The following TMEM255B variants were observed in gnomAD, a reference collection of about 807,000 sequenced individuals.
TMEM255B encodes family with sequence similarity 70, member B.
In TMEM255B, 35 loss-of-function variants were observed where a neutral mutation model predicts 34.5. The observed-to-expected ratio is 1.01, with a 90% CI of 0.77 to 1.34. TMEM255B has a LOEUF of 1.34. Ranked by LOEUF, TMEM255B falls within the 40% of genes most tolerant of loss-of-function variation. The pLI is 0.00. For missense variants in TMEM255B, 432 were observed against 433.2 expected, an observed-to-expected ratio of 1.00 and a Z score of 0.02; for synonymous variants, 206 against 201.2, an observed-to-expected ratio of 1.02 and a Z score of -0.20.
At chr13:113,759,415 G>A in intron 1 of TMEM255B, 100 bp downstream of exon 1, 1 of 1,079,150 alleles carries the variant, frequency 9.3e-7, no homozygotes, top group Non-Finnish European at 1.2e-6. Flanking sequence ...CGGAACCTGC[G>A]CGGAGACGCG....
At position 113,813,201 on chromosome 13, in the gene TMEM255B, C is replaced by T. The variant is rs941261526; in HGVS notation, c.*1298C>T. ...GGGCGAGAGGTGATCCCATTGCTCCCCAGACGTGCCACAAGACACCAAGTC... is the reference window on the plus strand; with the variant it reads ...GGGCGAGAGGTGATCCCATTGCTCCTCAGACGTGCCACAAGACACCAAGTC... On this transcript the variant is annotated 3_prime_UTR_variant, in exon 9 of 9. Transcript: ENST00000375353. 3 of 152,166 alleles carry T rather than the reference C, an allele frequency of 2.0e-5. No individual in the cohort carries two copies. Among genetic ancestry groups the T allele is most frequent in the Non-Finnish European group, 4.4e-5 (3 of 68,060 alleles). 9.4% of individuals were successfully genotyped at this position (152,166 alleles called of 1,614,324 possible).
At chr13:113,811,044 C>T (rs2051287310) in intron 8 of TMEM255B, among the ~76,000 whole-genome samples, 1 of 152,098 alleles carries the variant, frequency 6.6e-6, no homozygotes, top group Non-Finnish European at 1.5e-5. Context: ...CCCCCTGCCC[C>T]ATGCAGCTGT....
chr13:113,764,239 C>T (rs905009116), intron 1 of TMEM255B, among the ~76,000 whole-genome samples: 7 of 152,180 alleles, frequency 4.6e-5, no homozygotes, highest in Non-Finnish European at 8.8e-5. Context: ...GCCAGTGTGG[C>T]CTTGGGGCTC....
At chr13:113,771,149 G>T (rs1344362767) in intron 3 of TMEM255B, among the ~76,000 whole-genome samples, 2 of 152,094 alleles carry the variant, frequency 1.3e-5, no homozygotes, top group Admixed American at 1.3e-4. Context: ...CCTTCTCTTA[G>T]CACCCTACCT....
intron 6 of TMEM255B, among the ~76,000 whole-genome samples, chr13:113,801,238 C>A (rs920706647): frequency 6.6e-6 from 1 of 152,228 alleles, no homozygotes; most frequent in African/African-American, 2.4e-5. Context: ...GAGGACACAG[C>A]CCGTGTGTGT....
Position 113,801,737 on chromosome 13 carries a change from C to G in TMEM255B, c.594C>G (p.Ala198=). Residue 198 remains alanine, a synonymous_variant, in exon 7 of 9, where the codon GCC becomes GCG. Transcript: ENST00000375353. ...TGCACCTGTACCGCCTGCTCTGGGCCTCTGCAGTTCTGAACGTCCTGGGCC... is the reference window on the plus strand; with the variant it reads ...TGCACCTGTACCGCCTGCTCTGGGCGTCTGCAGTTCTGAACGTCCTGGGCC... ...DVLHLYRLLW[A]SAVLNVLGLF... The G allele has an allele frequency of 6.2e-7, 1 of 1,613,204 alleles. No homozygotes were observed. Among genetic ancestry groups the G allele is most frequent in the Non-Finnish European group, 8.5e-7 (1 of 1,179,756 alleles).
rs1368738858 is a variant in TMEM255B at position 113,816,651 on chromosome 13, G to T, written c.*4748G>T. The T allele has an allele frequency of 1.3e-5, 2 of 152,134 alleles. No homozygotes were observed. The highest frequency in any genetic ancestry group is 2.9e-5 in the Non-Finnish European group (2 of 68,044). The allele number at this position is 152,134 out of a possible 1,614,324, so 9.4% of individuals were successfully genotyped here. On this transcript the variant is annotated 3_prime_UTR_variant, in exon 9 of 9. Transcript: ENST00000375353. ...CAGACCCCGCGGTGGGAGCAGAGAT[G>T]CCTCCGAAACTCTGGAGACCCACAG...
At position 113,806,753 on chromosome 13, in the gene TMEM255B, G is replaced by T. The variant is rs1221125321; in HGVS notation, c.813+1725G>T. Among the ~76,000 whole-genome samples the T allele has an allele frequency of 6.6e-6, 1 of 151,972 alleles. No homozygotes were observed. Among genetic ancestry groups the T allele is most frequent in the Non-Finnish European group, 1.5e-5 (1 of 67,936 alleles). On this transcript the variant is annotated intron_variant, in intron 8 of 8. Transcript: ENST00000375353. The surrounding 1 kb of genome is among the most constrained non-coding windows in gnomAD (Gnocchi z 4.2). Reference sequence around the variant, plus strand: ...GCCCCCAGGGCCACAGCCCTGTCCTGGGGGCTTCTCTCTGGCCTCCTGGTC... The same window carrying T: ...GCCCCCAGGGCCACAGCCCTGTCCTTGGGGCTTCTCTCTGGCCTCCTGGTC...
intron 1 of TMEM255B, 40 bp downstream of exon 1, chr13:113,759,355 G>A: frequency 1.6e-6 from 2 of 1,228,948 alleles, no homozygotes; most frequent in Non-Finnish European, 2.0e-6. Flanking sequence ...CTCCTGCGGG[G>A]GAGCGTGGGG....
chr13:113,801,961 G>C, intron 7 of TMEM255B, 149 bp downstream of exon 7: 3 of 949,046 alleles, frequency 3.2e-6, no homozygotes, highest in Non-Finnish European at 4.6e-6. Flanking sequence ...CAGGGTGACA[G>C]CTGGCGTGCA....
At position 113,759,318 on chromosome 13, in the gene TMEM255B, G is replaced by A; in HGVS notation, c.46+3G>A. ...CCTGGGCCTGCTGGACCCCGCAGGT[G>A]AGCGCGGGGCTGGGGGCTCGTCTCG... On this transcript the variant is annotated splice_donor_region_variant and intron_variant, in intron 1 of 8. Transcript: ENST00000375353. The A allele has an allele frequency of 8.1e-7, 1 of 1,229,550 alleles. No individual in the cohort carries two copies. Among genetic ancestry groups the A allele is most frequent in the Non-Finnish European group, 1.0e-6 (1 of 986,492 alleles). 76.2% of individuals were successfully genotyped at this position (1,229,550 alleles called of 1,614,324 possible). A position where few individuals can be genotyped will look rare whatever the true frequency, so the allele number is the denominator to read the frequency against.
At chr13:113,792,182 G>A (rs187063648) in intron 3 of TMEM255B, among the ~76,000 whole-genome samples, 5 of 152,264 alleles carry the variant, frequency 3.3e-5, no homozygotes, top group African/African-American at 4.8e-5. Context: ...TGTATTTTAC[G>A]TATTTATACC....
At chr13:113,800,043 C>T (rs2051014412) in intron 5 of TMEM255B, 1 of 1,209,550 alleles carries the variant, frequency 8.3e-7, no homozygotes, top group African/African-American at 1.6e-5. Context: ...TGGGACTCTC[C>T]AGCAGCTGCC....
chr13:113,811,568 C>T (rs1481130043), intron 8 of TMEM255B, among the ~76,000 whole-genome samples, 168 bp from the exon 9 acceptor site: 2 of 128,524 alleles, frequency 1.6e-5, no homozygotes, highest in African/African-American at 6.5e-5. Flanking sequence ...TGTGAATAGC[C>T]CTGGGTCTGC....
In TMEM255B at chr13:113,806,430, G is replaced by A. The variant is rs572274466; in HGVS notation, c.813+1402G>A. ...GACCAGGGCCTGACAACATCTCCTC[G>A]TGGAGGGATCCCTGCACCTCATACC... On this transcript the variant is annotated intron_variant, in intron 8 of 8. Transcript: ENST00000375353. This position sits in a 1 kb window ranked among gnomAD's most constrained non-coding sequence, Gnocchi z 4.2. Among the ~76,000 whole-genome samples the A allele has an allele frequency of 7.3e-4, 111 of 152,268 alleles. No individual in the cohort carries two copies. The highest frequency in any genetic ancestry group is 2.6e-3 in the African/African-American group (107 of 41,548).
Position 113,814,182 on chromosome 13 carries a change from C to T in TMEM255B, c.*2279C>T, listed in dbSNP as rs1188244116. ...AAGCTGCCTGGTGCAGGCACCAGCA[C>T]CTCTTGGTGTCCTAGGGGTGCGAAC... On this transcript the variant is annotated 3_prime_UTR_variant, in exon 9 of 9. Coordinates refer to ENST00000375353, the MANE Select transcript of TMEM255B (RefSeq NM_182614.4). 1 of 152,204 alleles carries T rather than the reference C, an allele frequency of 6.6e-6. No homozygotes were observed. The highest frequency in any genetic ancestry group is 2.4e-5 in the African/African-American group (1 of 41,454). The allele number at this position is 152,204 out of a possible 1,614,324, so 9.4% of individuals were successfully genotyped here. A position where few individuals can be genotyped will look rare whatever the true frequency, so the allele number is the denominator to read the frequency against.
At position 113,801,690 on chromosome 13, in the gene TMEM255B, G is replaced by T. The variant is rs41284482; in HGVS notation, c.547G>T (p.Val183Phe). Residue 183 changes from valine to phenylalanine, a missense_variant, in exon 7 of 9, where the codon GTC (valine) becomes TTC (phenylalanine). Coordinates refer to ENST00000375353, the MANE Select transcript of TMEM255B (RefSeq NM_182614.4). ...PSPAYYEFIG[V>F]SGCQDVLHLY... Reference sequence around the variant, plus strand: ...GCCCGCCTACTATGAGTTCATCGGCGTCAGCGGCTGCCAGGACGTGCTGCA... The same window carrying T: ...GCCCGCCTACTATGAGTTCATCGGCTTCAGCGGCTGCCAGGACGTGCTGCA... 1.2e-6 allele frequency: 2 copies of T among 1,611,202 alleles called. No homozygotes were observed. The highest frequency in any genetic ancestry group is 1.3e-5 in the African/African-American group (1 of 74,880).
chr13:113,766,220 A>G lies in TMEM255B; in HGVS notation c.152A>G (p.Glu51Gly). 1 of 1,614,160 alleles carries G rather than the reference A, an allele frequency of 6.2e-7. No homozygotes were observed. Among genetic ancestry groups the G allele is most frequent in the Non-Finnish European group, 8.5e-7 (1 of 1,180,018 alleles). The change falls in exon 2 of 9, where the codon GAG (glutamate) becomes GGG (glycine). Residue 51 changes from glutamate to glycine, a missense_variant. Coordinates refer to ENST00000375353, the MANE Select transcript of TMEM255B (RefSeq NM_182614.4). ...TVGLAATTRT[E>G]NVTVGGYYPG... ...GGGCTGGCTGCCACCACCAGGACGG[A>G]GAATGTGACCGTTGGGGGCTACTAC...
chr13:113,770,170 G>A lies in TMEM255B; in HGVS notation c.252+1010G>A, dbSNP rs2050454871. On this transcript the variant is annotated intron_variant, in intron 3 of 8. Transcript: ENST00000375353. This position sits in a 1 kb window ranked among gnomAD's most constrained non-coding sequence, Gnocchi z 4.6. ...TTCCACGTGGCTGGGGAAGCCTCACGATCACGGCGGAAGGTAAGGAGGAGC... is the reference window on the plus strand; with the variant it reads ...TTCCACGTGGCTGGGGAAGCCTCACAATCACGGCGGAAGGTAAGGAGGAGC... 6.6e-6 allele frequency among the ~76,000 whole-genome samples: 1 copy of A among 152,202 alleles called. No individual in the cohort carries two copies. Among genetic ancestry groups the A allele is most frequent in the Non-Finnish European group, 1.5e-5 (1 of 68,034 alleles).
Sources: allele counts gnomAD v4.1 joint callset (sites outside exome capture counted in the v4.1 genomes callset), GRCh38; gene constraint gnomAD v4.1.1; non-coding constraint Gnocchi (gnomAD v3.1); transcripts MANE v1.5; gene names NCBI Gene and HGNC (gene_info 2026-07-23, HGNC 2026-07-21).